Variants in CSMD1 observed in about 807,000 individuals in gnomAD.
The protein encoded by CSMD1 is CUB and sushi domain-containing protein 1.
In CSMD1, 213 loss-of-function variants were observed where a neutral mutation model predicts 417.5. The ratio of observed to expected loss-of-function variants is 0.51; its 90% CI spans 0.46 to 0.57. The LOEUF is 0.57. Ranked by LOEUF, CSMD1 falls within the 20% of genes least tolerant of loss-of-function variation. The pLI, the probability that CSMD1 is intolerant of heterozygous loss-of-function variation, is 0.00. For synonymous variants in CSMD1, 2,862 were observed against 1,736.8 expected, an observed-to-expected ratio of 1.65 and a Z score of -16.11; for missense variants, 6,923 against 4,529.7, an observed-to-expected ratio of 1.53 and a Z score of -15.17.
At chr8:3,498,772 C>G (rs530709301) in intron 10 of CSMD1, among the ~76,000 whole-genome samples, 115 of 152,124 alleles carry the variant, frequency 7.6e-4, no homozygotes, top group Admixed American at 1.3e-3. Context: ...TTGATCTAGT[C>G]TGTTGTTGAA....
At chr8:3,530,509 G>C (rs943592786) in intron 10 of CSMD1, among the ~76,000 whole-genome samples, 3 of 152,068 alleles carry the variant, frequency 2.0e-5, no homozygotes, top group Admixed American at 6.6e-5. Flanking sequence ...AATGTACAGT[G>C]AATCTTTTCG....
intron 12 of CSMD1, among the ~76,000 whole-genome samples, chr8:3,445,049 G>A (rs539576198): frequency 6.6e-6 from 1 of 152,154 alleles, no homozygotes. Flanking sequence ...ACACTCTGGA[G>A]ATGCAATCGG....
At chr8:4,915,625 G>T (rs572530180) in intron 1 of CSMD1, among the ~76,000 whole-genome samples, 1 of 152,214 alleles carries the variant, frequency 6.6e-6, no homozygotes, top group Non-Finnish European at 1.5e-5. Context: ...CTCTGGGCTA[G>T]CAGTTCCCAA....
intron 33 of CSMD1, among the ~76,000 whole-genome samples, chr8:3,194,889 G>C (rs111425321): frequency 0.011 from 1,608 of 152,190 alleles, 9 homozygotes; most frequent in Middle Eastern, 0.048. Context: ...TGAGGAGCCT[G>C]GGAGAGGAGA....
At chr8:4,601,672 C>CA (rs1800592547) in intron 2 of CSMD1, among the ~76,000 whole-genome samples, 1 of 152,156 alleles carries the variant, frequency 6.6e-6, no homozygotes, top group African/African-American at 2.4e-5. Flanking sequence ...TTTCTCCATA[C>CA]CCCTCATCAT....
chr8:4,839,491 G>T (rs1362744365), intron 1 of CSMD1, among the ~76,000 whole-genome samples: 1 of 152,062 alleles, frequency 6.6e-6, no homozygotes, highest in Non-Finnish European at 1.5e-5. Flanking sequence ...TCCTAACTCA[G>T]CTAACAACTG....
At chr8:3,812,160 A>T (rs1328585671) in intron 5 of CSMD1, among the ~76,000 whole-genome samples, 2 of 152,210 alleles carry the variant, frequency 1.3e-5, no homozygotes, top group African/African-American at 4.8e-5. Flanking sequence ...CAATTCTGTA[A>T]GTCTAAGCAG....
intron 6 of CSMD1, among the ~76,000 whole-genome samples, chr8:3,731,182 A>C (rs1373896622): frequency 6.6e-6 from 1 of 152,192 alleles, no homozygotes; most frequent in African/African-American, 2.4e-5. Context: ...TTCCAAAGTA[A>C]AACCTCTTAC....
chr8:3,696,069 T>TA (rs149313330), intron 7 of CSMD1, among the ~76,000 whole-genome samples: 2,949 of 152,232 alleles, frequency 0.019, 86 homozygotes, highest in African/African-American at 0.064. Context: ...GATTTTCTTA[T>TA]GGGGGACAGG....
chr8:2,944,532 T>C (rs192973709), intron 68 of CSMD1, among the ~76,000 whole-genome samples: 1 of 152,306 alleles, frequency 6.6e-6, no homozygotes. Context: ...AGAGGGAATG[T>C]TCACACGGAC....
intron 5 of CSMD1, among the ~76,000 whole-genome samples, chr8:3,917,211 C>T (rs1392908621): frequency 6.6e-6 from 1 of 152,192 alleles, no homozygotes; most frequent in Non-Finnish European, 1.5e-5. Flanking sequence ...AAGTGTTTCC[C>T]ATGAGCCATT....
At chr8:3,305,853 T>TGTATTTTTAGTAGAGA (rs1209225465) in intron 25 of CSMD1, among the ~76,000 whole-genome samples, 1 of 152,064 alleles carries the variant, frequency 6.6e-6, no homozygotes, top group Admixed American at 6.6e-5. Context: ...CTAATTTTTT[T>TGTATTTTTAGTAGAGA]GTATTTTTAG....
At position 4,831,885 on chromosome 8, in the gene CSMD1, G is replaced by A. The variant is rs957492649; in HGVS notation, c.85+162447C>T. On this transcript the variant is annotated intron_variant, in intron 1 of 69. Coordinates refer to ENST00000635120, the MANE Select transcript of CSMD1 (RefSeq NM_033225.6). ...CAGAAGGTGCAAGGATGAGGATGAA[G>A]AGGAAGCAGCTGACACAAGCAGACA... Among the ~76,000 whole-genome samples, 4 of 151,876 alleles carry A rather than the reference G, an allele frequency of 2.6e-5. No homozygotes were observed. In the Middle Eastern group the frequency reaches 9.5e-3, roughly 360 times the overall value.
At position 4,365,651 on chromosome 8, in the gene CSMD1, T is replaced by A. The variant is rs1175841654; in HGVS notation, c.415+54302A>T. ...AACACTAACGGTGAATTTTAACAGT[T>A]GCTTCCTGTGGTTAAAACCTAAGGC... On this transcript the variant is annotated intron_variant, in intron 3 of 69. Coordinates refer to ENST00000635120, the MANE Select transcript of CSMD1 (RefSeq NM_033225.6). Among the ~76,000 whole-genome samples, 6 of 152,214 alleles carry A rather than the reference T, an allele frequency of 3.9e-5. 1 individual carries two copies. The highest frequency in any genetic ancestry group is 4.1e-4 in the South Asian group (2 of 4,830).
At chr8:4,786,632 G>C (rs1218912593) in intron 1 of CSMD1, among the ~76,000 whole-genome samples, 1 of 152,160 alleles carries the variant, frequency 6.6e-6, no homozygotes, top group Non-Finnish European at 1.5e-5. Flanking sequence ...ATCTCTCTCT[G>C]ATCTGAGCCT....
intron 3 of CSMD1, among the ~76,000 whole-genome samples, chr8:4,414,107 T>A (rs568042958): frequency 0.028 from 4,329 of 152,280 alleles, 100 homozygotes; most frequent in African/African-American, 0.067. Flanking sequence ...GAGTTTGGGT[T>A]ATCACTTCAA....
chr8:4,015,661 T>TAAAA (rs11371186), intron 4 of CSMD1, among the ~76,000 whole-genome samples: 110 of 97,464 alleles, frequency 1.1e-3, no homozygotes, highest in African/African-American at 3.9e-3. Flanking sequence ...GTTTGAATCT[T>TAAAA]AAAAAAAAAA....
At chr8:3,661,752 T>C (rs62474687) in intron 7 of CSMD1, among the ~76,000 whole-genome samples, 29,171 of 151,722 alleles carry the variant, frequency 0.19, 3,016 homozygotes, top group East Asian at 0.38. Context: ...CCGCCCTGGC[T>C]TCCCAAAGTG....
intron 2 of CSMD1, among the ~76,000 whole-genome samples, chr8:4,436,790 C>A (rs1798173498): frequency 6.6e-6 from 1 of 152,120 alleles, no homozygotes; most frequent in Non-Finnish European, 1.5e-5. Context: ...TCAGTGCCTA[C>A]CTTATTTCAT....
Sources: gnomAD v4.1 joint callset for allele counts (sites outside exome capture counted in the v4.1 genomes callset) on GRCh38, gnomAD v4.1.1 for gene constraint, MANE v1.5 for transcripts, NCBI Gene and HGNC (gene_info 2026-07-23, HGNC 2026-07-21) for gene names.